SAMD4A: variants seen among roughly 807,000 people sequenced by gnomAD.
SAMD4A encodes the protein protein Smaug homolog 1.
A neutral mutation model predicts 81.3 loss-of-function variants in SAMD4A; 33 were observed. The ratio of observed to expected loss-of-function variants is 0.41; its 90% confidence interval spans 0.31 to 0.54. SAMD4A has a LOEUF of 0.54. Ranked by LOEUF, SAMD4A falls within the 20% of genes least tolerant of loss-of-function variation. The pLI is 0.37. For synonymous variants in SAMD4A, 389 were observed against 382.1 expected, an observed-to-expected ratio of 1.02 and a Z score of -0.21; for missense variants, 854 against 951.1, an observed-to-expected ratio of 0.90 and a Z score of 1.34.
chr14:54,612,840 C>T lies in SAMD4A; in HGVS notation c.196+44728C>T, dbSNP rs1292270340. Reference sequence around the variant, plus strand: ...TTCCTCAGAGAAAGTGAAAGCCGGCCGGGCATGGTGGCTCACGCCTGTAAT... The same window carrying T: ...TTCCTCAGAGAAAGTGAAAGCCGGCTGGGCATGGTGGCTCACGCCTGTAAT... On this transcript the variant is annotated intron_variant, in intron 2 of 12. Coordinates refer to ENST00000554335, the MANE Select transcript of SAMD4A (RefSeq NM_015589.6). Among the ~76,000 whole-genome samples, 6 of 152,038 alleles carry T rather than the reference C, an allele frequency of 3.9e-5. No homozygotes were observed. In the South Asian group the frequency reaches 1.0e-3, roughly 26 times the overall value.
intron 2 of SAMD4A, among the ~76,000 whole-genome samples, chr14:54,577,886 G>A (rs542061699): frequency 4.6e-5 from 7 of 152,200 alleles, no homozygotes; most frequent in African/African-American, 9.7e-5. Flanking sequence ...TAAATTCTCC[G>A]TCCATGTAGA....
At chr14:54,634,420 C>T (rs1019531531) in intron 2 of SAMD4A, among the ~76,000 whole-genome samples, 3 of 152,082 alleles carry the variant, frequency 2.0e-5, no homozygotes, top group Admixed American at 6.5e-5. Context: ...CGGTCCCCCA[C>T]CTTTTTGGCA....
rs2033390449 is a variant in SAMD4A at position 54,579,052 on chromosome 14, T to C, written c.196+10940T>C. Among the ~76,000 whole-genome samples the C allele has an allele frequency of 2.0e-5, 3 of 152,232 alleles. No individual in the cohort carries two copies. The South Asian group carries it at 6.2e-4, about 32-fold the overall frequency. ...CTTTTTTCTTCTCTCCGTGTAGTTC[T>C]AAAAATGACCATATGATATTCCTTG... is the stretch of plus-strand genomic sequence containing the variant. On this transcript the variant is annotated intron_variant, in intron 2 of 12. Coordinates refer to ENST00000554335, the MANE Select transcript of SAMD4A (RefSeq NM_015589.6).
chr14:54,683,263 G>C, intron 2 of SAMD4A, among the ~76,000 whole-genome samples: 1 of 152,214 alleles, frequency 6.6e-6, no homozygotes. Context: ...TGTGAGGCAG[G>C]ATAGAGTCTG....
intron 2 of SAMD4A, among the ~76,000 whole-genome samples, chr14:54,587,568 C>A (rs1017626362): frequency 1.3e-5 from 2 of 151,346 alleles, no homozygotes; most frequent in South Asian, 4.2e-4. Context: ...GGCTTCTATG[C>A]CAATTTTGCT....
At chr14:54,676,850 A>G (rs2036004506) in intron 2 of SAMD4A, among the ~76,000 whole-genome samples, 1 of 152,154 alleles carries the variant, frequency 6.6e-6, no homozygotes, top group Non-Finnish European at 1.5e-5. Flanking sequence ...AGAGATTTGG[A>G]CTCCAATTTC....
At chr14:54,590,838 A>G (rs985167524) in intron 2 of SAMD4A, among the ~76,000 whole-genome samples, 1 of 152,238 alleles carries the variant, frequency 6.6e-6, no homozygotes, top group South Asian at 2.1e-4. Flanking sequence ...AGAAATAGTC[A>G]AATGTTAGTA....
intron 11 of SAMD4A, among the ~76,000 whole-genome samples, chr14:54,781,308 G>A (rs933492959): frequency 6.6e-6 from 1 of 152,204 alleles, no homozygotes; most frequent in Non-Finnish European, 1.5e-5. Flanking sequence ...AGGGATGGAC[G>A]GTTACTGCCA....
At chr14:54,647,923 A>G (rs534173952) in intron 2 of SAMD4A, among the ~76,000 whole-genome samples, 1 of 152,286 alleles carries the variant, frequency 6.6e-6, no homozygotes, top group Admixed American at 6.5e-5. Context: ...TAAAATGTTG[A>G]GTTGATAAAT....
At chr14:54,786,273 A>C (rs2039138409) in intron 12 of SAMD4A, among the ~76,000 whole-genome samples, 1 of 152,220 alleles carries the variant, frequency 6.6e-6, no homozygotes, top group Admixed American at 6.5e-5. Flanking sequence ...CATTTATGTG[A>C]AATGTCCAGG....
rs535792981 is a variant in SAMD4A, at chr14:54,699,490, C to A, written c.197-2572C>A. 2.6e-5 allele frequency among the ~76,000 whole-genome samples: 4 copies of A among 152,222 alleles called. No individual in the cohort carries two copies. In the South Asian group the frequency reaches 8.3e-4, roughly 32 times the overall value. On this transcript the variant is annotated intron_variant, in intron 2 of 12. Transcript: ENST00000554335. The stretch of plus-strand genomic sequence containing the variant: ...ACCAGCCACATAAGGCTTCTAAGCT[C>A]TTCAGCTGTGGCTGATCCAAGTTGA...
chr14:54,769,859 C>T (rs2038654347), intron 8 of SAMD4A, among the ~76,000 whole-genome samples: 1 of 152,144 alleles, frequency 6.6e-6, no homozygotes, highest in African/African-American at 2.4e-5. Flanking sequence ...CCAGAAATGT[C>T]ACCAAAAATG....
intron 2 of SAMD4A, among the ~76,000 whole-genome samples, chr14:54,690,787 G>A: frequency 6.6e-6 from 1 of 152,134 alleles, no homozygotes; most frequent in East Asian, 1.9e-4. Flanking sequence ...CAACACAGTA[G>A]GCCAGTGCTG....
chr14:54,764,482 C>G lies in SAMD4A; in HGVS notation c.1538C>G (p.Pro513Arg). ...TGCACACAGCTCTTGGTCTCCAGAC[C>G]TGATGAGGAAAATATAAGTTCCTAT... ...KVCTQLLVSR[P>R]DEENISSYLQ... is the part of the protein sequence containing the mutation. The change falls in exon 8 of 13, where the codon CCT (proline) becomes CGT (arginine). Residue 513 changes from proline (P) to arginine (R), a missense_variant. Physicochemically the swap from Pro to Arg is moderately radical, Grantham distance 103 (BLOSUM62 -2). Around this residue, in one of 3 missense-constraint regions of SAMD4A, gnomAD observed 428 missense variants for 471.2 expected, o/e 0.91. Transcript: ENST00000554335. The G allele has an allele frequency of 6.2e-7, 1 of 1,612,226 alleles. No homozygotes were observed. The highest frequency in any genetic ancestry group is 8.5e-7 in the Non-Finnish European group (1 of 1,178,654).
intron 3 of SAMD4A, among the ~76,000 whole-genome samples, chr14:54,732,942 T>C (rs1049796539): frequency 3.3e-5 from 5 of 152,186 alleles, no homozygotes; most frequent in African/African-American, 9.7e-5. Context: ...GAGTCAAAGT[T>C]GGTCAAAGGA....
chr14:54,580,879 A>C (rs918843796), intron 2 of SAMD4A, among the ~76,000 whole-genome samples: 2 of 152,236 alleles, frequency 1.3e-5, no homozygotes, highest in Non-Finnish European at 2.9e-5. Flanking sequence ...AAAGAAATTT[A>C]ACTGACATCC....
rs960461506 is a variant in SAMD4A, at chr14:54,732,842, A to G, written c.716-4182A>G. On this transcript the variant is annotated intron_variant, in intron 3 of 12. Transcript: ENST00000554335. ...ATTTCTCATATTAGAAGGCAGAAAA[A>G]AGGTAGTTATAGTTAATTTTCCTTA... Among the ~76,000 whole-genome samples the G allele has an allele frequency of 4.6e-5, 7 of 152,282 alleles. No individual in the cohort carries two copies. The East Asian group carries it at 1.3e-3, about 29-fold the overall frequency.
At chr14:54,672,795 G>A (rs182972646) in intron 2 of SAMD4A, among the ~76,000 whole-genome samples, 10 of 152,318 alleles carry the variant, frequency 6.6e-5, no homozygotes, top group Admixed American at 2.6e-4. Flanking sequence ...TAAAATGTCT[G>A]TCTGTAACAT....
intron 2 of SAMD4A, among the ~76,000 whole-genome samples, chr14:54,623,643 G>T (rs1235427606): frequency 2.2e-5 from 3 of 133,696 alleles, no homozygotes; most frequent in African/African-American, 8.4e-5. Context: ...GTGGGGACAA[G>T]GATATGCCTA....
Sources: gnomAD v4.1 joint callset for allele counts (sites outside exome capture counted in the v4.1 genomes callset) on GRCh38, gnomAD v4.1.1 for gene constraint, gnomAD v4.1.1 regional missense constraint, MANE v1.5 for transcripts, NCBI Gene and HGNC (gene_info 2026-07-23, HGNC 2026-07-21) for gene names.